The following PCDHGA11 variants were observed in gnomAD, a reference collection of about 807,000 sequenced individuals.
PCDHGA11 encodes protocadherin gamma subfamily A, 11.
In PCDHGA11, 39 loss-of-function variants were observed where a neutral mutation model predicts 60.4. The ratio of observed to expected loss-of-function variants is 0.65; its 90% confidence interval spans 0.50 to 0.84. The LOEUF is 0.84. Ranked by LOEUF, PCDHGA11 falls within the 40% of genes least tolerant of loss-of-function variation. PCDHGA11 has a pLI of 0.00. For missense variants in PCDHGA11, 1,165 were observed against 1,197.7 expected (o/e 0.97, Z 0.40); for synonymous variants, 533 against 510.3 (o/e 1.04, Z -0.60).
In PCDHGA11 at chr5:141,485,125, G is replaced by A. The variant is rs776015544; in HGVS notation, c.2434-9682G>A. 7.1e-7 allele frequency: 1 copy of A among 1,412,160 alleles called. No homozygotes were observed. The highest frequency in any genetic ancestry group is 1.2e-5 in the South Asian group (1 of 81,022). The allele number at this position is 1,412,160 out of a possible 1,614,324, so 87.5% of individuals were successfully genotyped here. On this transcript the variant is annotated intron_variant, in intron 1 of 3. Transcript: ENST00000398587. This position sits in a 1 kb window ranked among gnomAD's most constrained non-coding sequence, Gnocchi z 5.7. ...CTGCTGTGGCTGTTTGGGGCGGGTC[G>A]GCTTCATCCGCGTCTCAGGAGCAAG... is the stretch of plus-strand genomic sequence containing the variant.
chr5:141,482,071 A>G (rs2099551527), intron 1 of PCDHGA11, among the ~76,000 whole-genome samples: 1 of 145,394 alleles, frequency 6.9e-6, no homozygotes, highest in Non-Finnish European at 1.5e-5. Flanking sequence ...GGCAACAAGA[A>G]CAAAACTCAC....
intron 1 of PCDHGA11, among the ~76,000 whole-genome samples, chr5:141,455,130 A>G (rs1446894125): frequency 6.6e-6 from 1 of 150,872 alleles, no homozygotes; most frequent in South Asian, 2.1e-4. Flanking sequence ...GTTTTAAATT[A>G]CACTGTGTTA....
intron 2 of PCDHGA11, among the ~76,000 whole-genome samples, chr5:141,495,128 G>T (rs1408872159): frequency 2.6e-5 from 4 of 152,160 alleles, no homozygotes; most frequent in African/African-American, 9.7e-5. Flanking sequence ...TCCCCTGAGG[G>T]CACTGTGGAA....
At chr5:141,448,893 C>G (rs957997508) in intron 1 of PCDHGA11, among the ~76,000 whole-genome samples, 2 of 151,948 alleles carry the variant, frequency 1.3e-5, no homozygotes, top group Non-Finnish European at 2.9e-5. Flanking sequence ...TGCAGTGAGC[C>G]GAGATCGTGC....
At chr5:141,499,168 C>T (rs1169979036) in intron 2 of PCDHGA11, among the ~76,000 whole-genome samples, 3 of 152,184 alleles carry the variant, frequency 2.0e-5, no homozygotes, top group African/African-American at 7.2e-5. Context: ...GTCTCAAGCT[C>T]TGAGCCCAGC....
chr5:141,508,721 G>A (rs1266581528), intron 3 of PCDHGA11, among the ~76,000 whole-genome samples: 1 of 151,930 alleles, frequency 6.6e-6, no homozygotes, highest in Non-Finnish European at 1.5e-5. Flanking sequence ...TCTGTGTGCA[G>A]GGAGACTACA....
At chr5:141,507,704 G>A (rs989196400) in intron 3 of PCDHGA11, among the ~76,000 whole-genome samples, 5 of 152,210 alleles carry the variant, frequency 3.3e-5, no homozygotes, top group African/African-American at 9.6e-5. Context: ...AGTATTTATG[G>A]CCCCAAACCC....
chr5:141,426,276 C>A, intron 1 of PCDHGA11: 1 of 164,340 alleles, frequency 6.1e-6, no homozygotes, highest in South Asian at 1.6e-4. Context: ...TGCAGCAACG[C>A]ATGGGAAGGA....
Position 141,486,563 on chromosome 5 carries a change from G to T in PCDHGA11, c.2434-8244G>T, listed in dbSNP as rs558244990. Reference sequence around the variant, plus strand: ...CTTTCAGAGGTCACATGAGGTGTTTGTTCCTGAGAACAATCGCCCAGGGGA... The same window carrying T: ...CTTTCAGAGGTCACATGAGGTGTTTTTTCCTGAGAACAATCGCCCAGGGGA... On this transcript the variant is annotated intron_variant, in intron 1 of 3. Transcript: ENST00000398587. The surrounding 1 kb of genome is among the most constrained non-coding windows in gnomAD (Gnocchi z 5.0). The T allele has an allele frequency of 4.3e-6, 7 of 1,614,006 alleles. No individual in the cohort carries two copies. The highest frequency in any genetic ancestry group is 4.0e-5 in the African/African-American group (3 of 75,054).
At chr5:141,470,585 G>A (rs2099233788) in intron 1 of PCDHGA11, among the ~76,000 whole-genome samples, 1 of 152,188 alleles carries the variant, frequency 6.6e-6, no homozygotes, top group African/African-American at 2.4e-5. Flanking sequence ...AACTTCATAG[G>A]CAGGCGACCT....
At position 141,432,660 on chromosome 5, in the gene PCDHGA11, A is replaced by G; in HGVS notation, c.2433+9000A>G. The G allele has an allele frequency of 6.2e-7, 1 of 1,613,768 alleles. No individual in the cohort carries two copies. Among genetic ancestry groups the G allele is most frequent in the African/African-American group, 1.3e-5 (1 of 75,026 alleles). ...GTGCGCACGGCGCGAGCCCTGCTGG[A>G]CAGAGACGCGCTCAAGCAGAGCCTC... On this transcript the variant is annotated intron_variant, in intron 1 of 3. Coordinates refer to ENST00000398587, the MANE Select transcript of PCDHGA11 (RefSeq NM_018914.3). The surrounding 1 kb of genome is among the most constrained non-coding windows in gnomAD (Gnocchi z 6.0).
intron 1 of PCDHGA11, among the ~76,000 whole-genome samples, chr5:141,450,313 T>G (rs2098676929): frequency 6.6e-6 from 1 of 152,172 alleles, no homozygotes; most frequent in Middle Eastern, 3.4e-3. Context: ...ATGTGTGGCC[T>G]AGTTGCCATG....
Position 141,511,409 on chromosome 5 carries a change from G to C in PCDHGA11, c.*236G>C, listed in dbSNP as rs999907393. On this transcript the variant is annotated 3_prime_UTR_variant, in exon 4 of 4. Coordinates refer to ENST00000398587, the MANE Select transcript of PCDHGA11 (RefSeq NM_018914.3). Reference sequence around the variant, plus strand: ...GGGAACCCCCATCCAATCAACTGCTGTACCCATGGGGGTAGTGGGGTTACT... The same window carrying C: ...GGGAACCCCCATCCAATCAACTGCTCTACCCATGGGGGTAGTGGGGTTACT... The C allele has an allele frequency of 1.1e-6, 1 of 908,516 alleles. No homozygotes were observed. The highest frequency in any genetic ancestry group is 1.7e-5 in the African/African-American group (1 of 59,504). The allele number at this position is 908,516 out of a possible 1,614,324, so 56.3% of individuals were successfully genotyped here.
chr5:141,459,795 C>T (rs1394778891), intron 1 of PCDHGA11, among the ~76,000 whole-genome samples: 1 of 152,190 alleles, frequency 6.6e-6, no homozygotes, highest in Non-Finnish European at 1.5e-5. Flanking sequence ...AACTGTTTTT[C>T]CCTGTTGACT....
At chr5:141,508,244 C>A (rs1278674173) in intron 3 of PCDHGA11, 1 of 152,314 alleles carries the variant, frequency 6.6e-6, no homozygotes, top group Non-Finnish European at 1.5e-5. Context: ...CTAAGTCTGC[C>A]TCTCCTGGGA....
chr5:141,509,059 C>T (rs1313349089), intron 3 of PCDHGA11, among the ~76,000 whole-genome samples: 2 of 152,182 alleles, frequency 1.3e-5, no homozygotes, highest in Non-Finnish European at 2.9e-5. Flanking sequence ...CCAGAAAGCT[C>T]TCAGCTCCGG....
chr5:141,466,197 G>A (rs2099118639), intron 1 of PCDHGA11, among the ~76,000 whole-genome samples: 1 of 151,666 alleles, frequency 6.6e-6, no homozygotes, highest in South Asian at 2.1e-4. Flanking sequence ...TTCAGACACA[G>A]CCTTGCTCTG....
rs2099634686 is a variant in PCDHGA11 at position 141,486,772 on chromosome 5, T to G, written c.2434-8035T>G. 1 of 1,614,246 alleles carries G rather than the reference T, an allele frequency of 6.2e-7. No individual in the cohort carries two copies. The highest frequency in any genetic ancestry group is 8.5e-7 in the Non-Finnish European group (1 of 1,180,042). Reference sequence around the variant, plus strand: ...ATGAGCAAACCCAGACACTGCAGTTTGAGGTGCAGGCCCGGGATCGGGGCA... The same window carrying G: ...ATGAGCAAACCCAGACACTGCAGTTGGAGGTGCAGGCCCGGGATCGGGGCA... On this transcript the variant is annotated intron_variant, in intron 1 of 3. Coordinates refer to ENST00000398587, the MANE Select transcript of PCDHGA11 (RefSeq NM_018914.3). This position sits in a 1 kb window ranked among gnomAD's most constrained non-coding sequence, Gnocchi z 5.0.
chr5:141,450,887 C>A (rs531604055), intron 1 of PCDHGA11, among the ~76,000 whole-genome samples: 1 of 148,582 alleles, frequency 6.7e-6, no homozygotes, highest in East Asian at 2.0e-4. Flanking sequence ...TGCAGTGGTG[C>A]GATATCGGCT....
Sources: gnomAD v4.1 joint callset for allele counts (sites outside exome capture counted in the v4.1 genomes callset) on GRCh38, gnomAD v4.1.1 for gene constraint, Gnocchi (gnomAD v3.1) non-coding constraint, MANE v1.5 for transcripts, NCBI Gene and HGNC (gene_info 2026-07-23, HGNC 2026-07-21) for gene names.